VWF: variants seen among roughly 807,000 people sequenced by gnomAD.
The protein encoded by VWF is von Willebrand factor, also known as Factor VIII related antigen.
In VWF, 176 loss-of-function variants were observed where a neutral mutation model predicts 308.6. The observed-to-expected ratio is 0.57, with a 90% CI of 0.50 to 0.65. The LOEUF is 0.65. Among genes scored for constraint, VWF ranks in the 30% least tolerant of loss-of-function variants. The pLI, the probability that VWF is intolerant of heterozygous loss-of-function variation, is 0.00. For missense variants in VWF, 3,146 were observed against 3,648.2 expected (o/e 0.86, Z 3.55); for synonymous variants, 1,385 against 1,443.4 (o/e 0.96, Z 0.92).
intron 38 of VWF, among the ~76,000 whole-genome samples, chr12:5,987,003 T>C (rs905918388): frequency 1.3e-5 from 2 of 152,180 alleles, no homozygotes; most frequent in Non-Finnish European, 1.5e-5. Context: ...TCTCGGCTCA[T>C]TGCAACCTCT....
chr12:6,016,785 G>A lies in VWF; in HGVS notation c.5139C>T (p.Phe1713=), dbSNP rs150873446. 236 of 1,614,112 alleles carry A rather than the reference G, an allele frequency of 1.5e-4. 2 individuals carry two copies. The African/African-American group carries it at 2.5e-3, about 17-fold the overall frequency. ...TGGCTTTTGAAATGAAAGCCTTGGC[G>A]AAACTCTTCATTTCATCAAAATAAG... The part of the protein sequence containing the change: ...PASYFDEMKS[F]AKAFISKANI... Residue 1713 remains phenylalanine (F), a synonymous_variant, in exon 29 of 52, where the codon TTC becomes TTT. Coordinates refer to ENST00000261405, the MANE Select transcript of VWF (RefSeq NM_000552.5).
Position 6,023,758 on chromosome 12 carries a change from G to A in VWF, c.3252C>T (p.Cys1084=), listed in dbSNP as rs1433262322. 17 of 1,612,842 alleles carry A rather than the reference G, an allele frequency of 1.1e-5. No homozygotes were observed. The highest frequency in any genetic ancestry group is 1.4e-5 in the Non-Finnish European group (16 of 1,180,016). ...LVDPEPYLDV[C]IYDTCSCESI... is the part of the protein sequence containing the mutation. ...ACTCACAGGAGCAGGTGTCGTAAAT[G>A]CAGACATCCAGATATGGCTCGGGGT... Residue 1084 remains cysteine (C), a synonymous_variant, in exon 25 of 52, where the codon TGC becomes TGT. Transcript: ENST00000261405.
intron 5 of VWF, among the ~76,000 whole-genome samples, chr12:6,096,998 CA>C (rs938681653): frequency 6.6e-6 from 1 of 152,084 alleles, no homozygotes; most frequent in African/African-American, 2.4e-5. Flanking sequence ...CCCCCCACAC[CA>C]AAGATATATT....
chr12:6,048,408 T>C (rs1205167312), intron 16 of VWF, among the ~76,000 whole-genome samples: 2 of 152,034 alleles, frequency 1.3e-5, no homozygotes, highest in East Asian at 3.9e-4. Flanking sequence ...CCTTGTGATC[T>C]ACCCGCCTCA....
chr12:5,952,324 C>A, intron 49 of VWF, 67 bp downstream of exon 49: 1 of 1,606,060 alleles, frequency 6.2e-7, no homozygotes, highest in Admixed American at 1.7e-5. Context: ...CTGGGATGCA[C>A]ACTATTCAGA....
chr12:6,039,339 G>A (rs752088149), intron 18 of VWF, among the ~76,000 whole-genome samples: 2 of 152,156 alleles, frequency 1.3e-5, no homozygotes, highest in African/African-American at 2.4e-5. Flanking sequence ...GAAAATACTG[G>A]TCTTGTTACC....
Position 6,106,560 on chromosome 12 carries a change from T to C in VWF, c.532+3814A>G, listed in dbSNP as rs541435161. Among the ~76,000 whole-genome samples, 12 of 152,244 alleles carry C rather than the reference T, an allele frequency of 7.9e-5. No individual in the cohort carries two copies. In the South Asian group the frequency reaches 2.1e-3, roughly 26 times the overall value. ...GAATGTACCTGATACCACTGAACTA[T>C]ATACATAAAAATGGTTAAGATAATA... On this transcript the variant is annotated intron_variant, in intron 5 of 51. Coordinates refer to ENST00000261405, the MANE Select transcript of VWF (RefSeq NM_000552.5).
intron 22 of VWF, among the ~76,000 whole-genome samples, chr12:6,027,324 A>G (rs1295131137): frequency 6.6e-6 from 1 of 152,188 alleles, no homozygotes; most frequent in Non-Finnish European, 1.5e-5. Context: ...AGATACTGGC[A>G]TGACTCATTC....
chr12:6,000,805 C>CT (rs1943864159), intron 34 of VWF, among the ~76,000 whole-genome samples: 1 of 98,936 alleles, frequency 1.0e-5, no homozygotes, highest in African/African-American at 4.3e-5. Flanking sequence ...GAGCGAGACT[C>CT]TGTCTCAAAA....
chr12:5,983,733 G>C (rs1280708789), intron 40 of VWF, among the ~76,000 whole-genome samples: 2 of 151,044 alleles, frequency 1.3e-5, no homozygotes, highest in Non-Finnish European at 2.9e-5. Context: ...ACACAGGTTA[G>C]ATAGATTAGA....
chr12:5,959,181 C>T (rs1943283081), intron 47 of VWF, among the ~76,000 whole-genome samples: 1 of 151,930 alleles, frequency 6.6e-6, no homozygotes, highest in Non-Finnish European at 1.5e-5. Context: ...CACTCCAGGC[C>T]TGGGCGACAC....
chr12:6,111,911 T>C (rs1444655135), intron 3 of VWF, among the ~76,000 whole-genome samples: 3 of 151,896 alleles, frequency 2.0e-5, no homozygotes, highest in Non-Finnish European at 4.4e-5. Context: ...TGAGCGGAGA[T>C]CGCGCCACTG....
chr12:5,982,799 G>A (rs796315601), intron 41 of VWF, among the ~76,000 whole-genome samples: 9 of 152,286 alleles, frequency 5.9e-5, no homozygotes, highest in African/African-American at 1.9e-4. Context: ...CCAATGATGA[G>A]GGGAAGTCAA....
At chr12:5,950,360 C>T (rs939576919) in intron 50 of VWF, among the ~76,000 whole-genome samples, 1 of 152,030 alleles carries the variant, frequency 6.6e-6, no homozygotes, top group Non-Finnish European at 1.5e-5. Context: ...CTCTGGGGAC[C>T]GAGAAGATCC....
chr12:6,016,102 G>A lies in VWF; in HGVS notation c.5442C>T (p.Ala1814=), dbSNP rs757527506. The change falls in exon 31 of 52, where the codon GCC becomes GCT. Residue 1814 remains alanine, a synonymous_variant. Coordinates refer to ENST00000261405, the MANE Select transcript of VWF (RefSeq NM_000552.5). The stretch of plus-strand genomic sequence containing the variant: ...CCAGATTCTTACTGTTGGACCTGGC[G>A]GCATCAGCTGCTGCATCCACTGAAT... The part of the protein sequence containing the change: ...SVDSVDAAAD[A]ARSNRVTVFP... 4.0e-5 allele frequency: 64 copies of A among 1,613,942 alleles called. No individual in the cohort carries two copies. Among genetic ancestry groups the A allele is most frequent in the Non-Finnish European group, 4.9e-5 (58 of 1,180,018 alleles).
chr12:5,972,309 T>C (rs550444680), intron 43 of VWF, among the ~76,000 whole-genome samples: 19 of 152,314 alleles, frequency 1.2e-4, no homozygotes, highest in African/African-American at 3.1e-4. Flanking sequence ...TCCTGGAAGT[T>C]TGTCAGCCCA....
chr12:5,959,392 T>C (rs1355520745), intron 47 of VWF, among the ~76,000 whole-genome samples: 1 of 152,142 alleles, frequency 6.6e-6, no homozygotes, highest in Non-Finnish European at 1.5e-5. Context: ...TTTTATGTTC[T>C]CTCAGTAATT....
intron 3 of VWF, among the ~76,000 whole-genome samples, chr12:6,111,436 G>A (rs1945306698): frequency 1.3e-5 from 2 of 152,310 alleles, no homozygotes; most frequent in South Asian, 4.1e-4. Flanking sequence ...GCAGTGATGT[G>A]AACATGGCTC....
At chr12:6,031,326 T>C in intron 21 of VWF, 118 bp downstream of exon 21, 1 of 1,571,290 alleles carries the variant, frequency 6.4e-7, no homozygotes, top group South Asian at 1.1e-5. Context: ...CCTCATCCTC[T>C]TTAATGGCTG....
Sources: gnomAD v4.1 joint callset for allele counts (sites outside exome capture counted in the v4.1 genomes callset) on GRCh38, gnomAD v4.1.1 for gene constraint, MANE v1.5 for transcripts, NCBI Gene and HGNC (gene_info 2026-07-23, HGNC 2026-07-21) for gene names.